Variants in PSD4 observed in about 807,000 individuals in gnomAD.
PSD4 encodes the protein PH and SEC7 domain-containing protein 4.
A neutral mutation model predicts 112.5 loss-of-function variants in PSD4; 59 were observed. The ratio of observed to expected loss-of-function variants is 0.52; its 90% confidence interval spans 0.43 to 0.65. The LOEUF (loss-of-function observed/expected upper bound fraction) is 0.65. PSD4 is among the 30% of genes least tolerant of loss of function. The probability of loss-of-function intolerance (pLI) is 0.00; values close to 1 mark genes in which losing one functional copy is unlikely to be tolerated. For synonymous variants in PSD4, 533 were observed against 540.0 expected (o/e 0.99, Z 0.18); for missense variants, 1,267 against 1,352.6 (o/e 0.94, Z 0.99).
At chr2:113,185,762 G>A in intron 4 of PSD4, 115 bp from the exon 5 acceptor site, 1 of 1,550,272 alleles carries the variant, frequency 6.5e-7, no homozygotes, top group South Asian at 1.2e-5. Context: ...GGGAGGACAG[G>A]GCATGCTGCC....
intron 14 of PSD4, 147 bp downstream of exon 14, chr2:113,198,060 C>A: frequency 1.9e-6 from 2 of 1,045,738 alleles, no homozygotes; most frequent in African/African-American, 1.6e-5. Context: ...AAAGCGGCAG[C>A]AGGAAGAGGA....
intron 6 of PSD4, 78 bp from the exon 7 acceptor site, chr2:113,192,969 AG>A: frequency 7.1e-7 from 1 of 1,401,112 alleles, no homozygotes; most frequent in Non-Finnish European, 1.0e-6. Context: ...TAATGTGTGC[AG>A]GCCCTGGGGG....
At position 113,199,086 on chromosome 2, in the gene PSD4, G is replaced by T; in HGVS notation, c.2773G>T (p.Glu925Ter). ...PVGPAQSSLEEQHRSHENCLD... is the reference protein window; with the variant it reads ...PVGPAQSSLE ...CCTCACCGCCCGCTGCTCGCAGGAG[G>T]AGCAGCATCGATCCCACGAGAACTG... The change falls in exon 16 of 17, where the codon GAG becomes TAG. Residue 925 changes from glutamate (E) to a stop codon, truncating the protein, a stop_gained. Coordinates refer to ENST00000245796, the MANE Select transcript of PSD4 (RefSeq NM_012455.3). LOFTEE classifies it high-confidence loss of function. 6.5e-7 allele frequency: 1 copy of T among 1,532,080 alleles called. No homozygotes were observed. The allele number at this position is 1,532,080 out of a possible 1,614,324, so 94.9% of individuals were successfully genotyped here.
rs1036865413 is a variant in PSD4, at chr2:113,202,376, G to C, written c.*961G>C. 6.6e-6 allele frequency: 1 copy of C among 152,418 alleles called. No homozygotes were observed. Among genetic ancestry groups the C allele is most frequent in the African/African-American group, 2.4e-5 (1 of 41,474 alleles). 9.4% of individuals were successfully genotyped at this position (152,418 alleles called of 1,614,324 possible). ...TCAGGAGAGTTGTGAGGGATGGGAC[G>C]GAGGCTGGCGACCAGGCGAGGCCTA... On this transcript the variant is annotated 3_prime_UTR_variant, in exon 17 of 17. Coordinates refer to ENST00000245796, the MANE Select transcript of PSD4 (RefSeq NM_012455.3).
Position 113,199,159 on chromosome 2 carries a change from C to T in PSD4, c.2846C>T (p.Pro949Leu). Residue 949 changes from proline (P) to leucine (L), a missense_variant, in exon 16 of 17, where the codon CCG (proline) becomes CTG (leucine). Physicochemically the swap from Pro to Leu is moderately conservative, Grantham distance 98. Coordinates refer to ENST00000245796, the MANE Select transcript of PSD4 (RefSeq NM_012455.3). Reference protein sequence around the residue: ...DDLLDLQRNLPERRGRGRELE... With the variant: ...DDLLDLQRNLLERRGRGRELE... The stretch of plus-strand genomic sequence containing the variant: ...CTGCTGGATCTACAGAGGAACCTGC[C>T]GGAGCGGCGGGGCCGTGGCCGCGAG... 6.5e-7 allele frequency: 1 copy of T among 1,527,522 alleles called. No individual in the cohort carries two copies. Among genetic ancestry groups the T allele is most frequent in the Non-Finnish European group, 8.8e-7 (1 of 1,139,316 alleles). The allele number at this position is 1,527,522 out of a possible 1,614,324, so 94.6% of individuals were successfully genotyped here. A position where few individuals can be genotyped will look rare whatever the true frequency, so the allele number is the denominator to read the frequency against.
At chr2:113,195,412 T>G (rs1230294678) in intron 10 of PSD4, among the ~76,000 whole-genome samples, 1 of 152,166 alleles carries the variant, frequency 6.6e-6, no homozygotes, top group African/African-American at 2.4e-5. Context: ...TCCACCCGCC[T>G]CGGCCTCCCA....
At chr2:113,185,218 C>A (rs1012701840) in intron 3 of PSD4, 145 bp downstream of exon 3, 3 of 1,550,668 alleles carry the variant, frequency 1.9e-6, no homozygotes, top group African/African-American at 2.7e-5. Flanking sequence ...GAGGCTCCAG[C>A]CTGGGTGGGA....
intron 15 of PSD4, 93 bp from the exon 16 acceptor site, chr2:113,198,990 G>A: frequency 3.3e-6 from 5 of 1,521,626 alleles, no homozygotes; most frequent in Non-Finnish European, 4.4e-6. Flanking sequence ...CTTGGCCTGG[G>A]AACCGAGGCG....
Position 113,185,270 on chromosome 2 carries a change from C to A in PSD4, c.1174-95C>A, listed in dbSNP as rs532639538. The A allele has an allele frequency of 1.0e-4, 164 of 1,567,250 alleles. 2 individuals are homozygous for A. The East Asian group carries it at 3.7e-3, about 35-fold the overall frequency. ...TCTGCCTACTCATGGCATCCTTCCC[C>A]TCCCCTCCTTTCCCCTTCTCCCTGC... On this transcript the variant is annotated intron_variant, in intron 3 of 16. Transcript: ENST00000245796.
chr2:113,187,809 C>T (rs1361585019), intron 5 of PSD4, among the ~76,000 whole-genome samples: 1 of 152,228 alleles, frequency 6.6e-6, no homozygotes, highest in Non-Finnish European at 1.5e-5. Flanking sequence ...ACCCTCTCCA[C>T]CTAACACAGA....
In PSD4 at chr2:113,197,836, C is replaced by A; in HGVS notation, c.2547C>A (p.Pro849=). The A allele has an allele frequency of 1.9e-6, 3 of 1,610,974 alleles. No individual in the cohort carries two copies. Among genetic ancestry groups the A allele is most frequent in the Non-Finnish European group, 1.7e-6 (2 of 1,178,022 alleles). The change falls in exon 14 of 17, where the codon CCC becomes CCA. Residue 849 remains proline, a synonymous_variant. Coordinates refer to ENST00000245796, the MANE Select transcript of PSD4 (RefSeq NM_012455.3). ...PVGVHHSLAT[P]ATHYTKKPHV... is the part of the protein sequence containing the mutation. ...GGGTGCACCACTCGCTGGCCACCCCCGCCACGCATTACACCAAGAAGCCGC... is the reference window on the plus strand; with the variant it reads ...GGGTGCACCACTCGCTGGCCACCCCAGCCACGCATTACACCAAGAAGCCGC...
chr2:113,194,031 G>A, intron 10 of PSD4, 83 bp downstream of exon 10: 3 of 1,407,006 alleles, frequency 2.1e-6, no homozygotes, highest in Non-Finnish European at 2.9e-6. Context: ...GCTGAGCTTG[G>A]GACTGGCTTT....
intron 10 of PSD4, among the ~76,000 whole-genome samples, 166 bp from the exon 11 acceptor site, chr2:113,195,539 GGATGGATGGATGGATGGATGGA>G (rs1469147482): frequency 2.0e-5 from 1 of 51,200 alleles, no homozygotes; most frequent in East Asian, 1.5e-3. Flanking sequence ...TTGCACGGAT[GGATGGATGGATGGATGGATGGA>G]TGGATGGATG....
Position 113,204,851 on chromosome 2 carries a change from C to A in PSD4, c.*3436C>A, listed in dbSNP as rs1287954087. Reference sequence around the variant, plus strand: ...TGTGTCGGGGTTGGAAGGAGCAGGACTGGAGGGTCGGGGTGAGGGGGGCAG... The same window carrying A: ...TGTGTCGGGGTTGGAAGGAGCAGGAATGGAGGGTCGGGGTGAGGGGGGCAG... On this transcript the variant is annotated 3_prime_UTR_variant, in exon 17 of 17. Coordinates refer to ENST00000245796, the MANE Select transcript of PSD4 (RefSeq NM_012455.3). The A allele has an allele frequency of 1.3e-5, 2 of 152,236 alleles. No homozygotes were observed. Among genetic ancestry groups the A allele is most frequent in the Admixed American group, 6.5e-5 (1 of 15,270 alleles). 9.4% of individuals were successfully genotyped at this position (152,236 alleles called of 1,614,324 possible).
Position 113,193,963 on chromosome 2 carries a change from G to A in PSD4, c.2181+15G>A. 2 of 1,611,500 alleles carry A rather than the reference G, an allele frequency of 1.2e-6. No homozygotes were observed. Among genetic ancestry groups the A allele is most frequent in the East Asian group, 2.2e-5 (1 of 44,862 alleles). On this transcript the variant is annotated intron_variant, in intron 10 of 16. Transcript: ENST00000245796. Reference sequence around the variant, plus strand: ...AGCTGCTGAAGGTATGTGCCACGGGGTCTTCTTATGAGCCTCATGTAGGAC... The same window carrying A: ...AGCTGCTGAAGGTATGTGCCACGGGATCTTCTTATGAGCCTCATGTAGGAC...
At chr2:113,192,839 G>C (rs1285744471) in intron 6 of PSD4, among the ~76,000 whole-genome samples, 1 of 152,178 alleles carries the variant, frequency 6.6e-6, no homozygotes. Flanking sequence ...GTCTCTCCCA[G>C]TGTCTCCCAG....
chr2:113,186,370 T>G, intron 5 of PSD4, 115 bp downstream of exon 5: 2 of 1,161,780 alleles, frequency 1.7e-6, no homozygotes, highest in Non-Finnish European at 2.4e-6. Flanking sequence ...CCATATTTAT[T>G]AAGCAAGGAT....
rs1245320885 is a variant in PSD4, at chr2:113,208,767, C to T, written c.*7352C>T. 4 of 152,210 alleles carry T rather than the reference C, an allele frequency of 2.6e-5. No homozygotes were observed. The highest frequency in any genetic ancestry group is 9.7e-5 in the African/African-American group (4 of 41,430). 9.4% of individuals were successfully genotyped at this position (152,210 alleles called of 1,614,324 possible). On this transcript the variant is annotated 3_prime_UTR_variant, in exon 17 of 17. Transcript: ENST00000245796. ...TCGCTGCTCTGACCCTGAGTTGGACCCAGCTAGGAATTGTGACTTCAGTTA... is the reference window on the plus strand; with the variant it reads ...TCGCTGCTCTGACCCTGAGTTGGACTCAGCTAGGAATTGTGACTTCAGTTA...
Position 113,182,992 on chromosome 2 carries a change from G to A in PSD4, c.536G>A (p.Gly179Glu), listed in dbSNP as rs774699342. The A allele has an allele frequency of 6.4e-5, 103 of 1,614,036 alleles. No individual in the cohort carries two copies. The highest frequency in any genetic ancestry group is 8.6e-5 in the Non-Finnish European group (101 of 1,180,018). ...GAGGAGGAGCTGGAGAAGACGGAAG[G>A]GCTCAAGGCTGGGCTGAAATGCTGT... ...DLEEELEKTE[G>E]LKAGLKCCLP... Residue 179 changes from glycine to glutamate, a missense_variant, in exon 2 of 17, where the codon GGG becomes GAG. Coordinates refer to ENST00000245796, the MANE Select transcript of PSD4 (RefSeq NM_012455.3).
Sources: gnomAD v4.1 joint callset for allele counts (sites outside exome capture counted in the v4.1 genomes callset) on GRCh38, gnomAD v4.1.1 for gene constraint, MANE v1.5 for transcripts, NCBI Gene and HGNC (gene_info 2026-07-23, HGNC 2026-07-21) for gene names.